WDR17: variants seen among roughly 807,000 people sequenced by gnomAD.
WDR17 encodes WD repeat-containing protein 17.
Under a neutral mutation model 161.7 loss-of-function variants are expected in WDR17, and 143 were observed. That is an observed-to-expected ratio of 0.88 (90% CI 0.77 to 1.02). The LOEUF (loss-of-function observed/expected upper bound fraction) is 1.02, where lower values mean the gene tolerates loss of function less well. WDR17 is among the 50% of genes least tolerant of loss of function. The pLI is 0.00. For missense variants in WDR17, 1,469 were observed against 1,520.9 expected (o/e 0.97, Z 0.57); for synonymous variants, 517 against 515.6 (o/e 1.00, Z -0.04).
chr4:176,124,905 A>C (rs1329787169), intron 4 of WDR17, among the ~76,000 whole-genome samples, 199 bp from the exon 5 acceptor site: 1 of 152,230 alleles, frequency 6.6e-6, no homozygotes, highest in Non-Finnish European at 1.5e-5. Flanking sequence ...AAAACAGAGC[A>C]TTGAGCCTGA....
chr4:176,108,904 C>T (rs1057368484), intron 1 of WDR17, among the ~76,000 whole-genome samples: 7 of 152,148 alleles, frequency 4.6e-5, no homozygotes, highest in African/African-American at 1.4e-4. Context: ...ATCTTCCCAC[C>T]TCAGCTTCCC....
intron 6 of WDR17, among the ~76,000 whole-genome samples, chr4:176,130,744 C>CA (rs1241265294): frequency 0.084 from 5,987 of 71,304 alleles, 185 homozygotes; most frequent in East Asian, 0.2. Context: ...GACTCCGTCT[C>CA]AAAAAAAAAA....
chr4:176,148,343 G>T lies in WDR17; in HGVS notation c.1897+8G>T. ...ACGGTGCAGATGTATATGGTAGAGT[G>T]TCTTTCATTCTTTCATGTATTTGTT... On this transcript the variant is annotated splice_region_variant and intron_variant, in intron 13 of 28. Coordinates refer to ENST00000508596, the MANE Select transcript of WDR17 (RefSeq NM_181265.4). 6.2e-7 allele frequency: 1 copy of T among 1,610,366 alleles called. No individual in the cohort carries two copies.
intron 2 of WDR17, among the ~76,000 whole-genome samples, chr4:176,114,071 G>A (rs1169403639): frequency 6.6e-6 from 1 of 151,942 alleles, no homozygotes; most frequent in Admixed American, 6.6e-5. Flanking sequence ...ATGCAGCATA[G>A]CTTCTTCACA....
At chr4:176,147,994 G>C in intron 12 of WDR17, 139 bp from the exon 13 acceptor site, 1 of 530,194 alleles carries the variant, frequency 1.9e-6, no homozygotes, top group Non-Finnish European at 3.1e-6. Context: ...AAATTAAAAT[G>C]AAGAGAACCT....
At chr4:176,091,215 T>A (rs1346909988) in intron 1 of WDR17, among the ~76,000 whole-genome samples, 1 of 152,182 alleles carries the variant, frequency 6.6e-6, no homozygotes, top group Non-Finnish European at 1.5e-5. Context: ...CCCCAACACA[T>A]GCATCATTTA....
At chr4:176,120,434 C>G in intron 4 of WDR17, among the ~76,000 whole-genome samples, 1 of 151,572 alleles carries the variant, frequency 6.6e-6, no homozygotes. Context: ...TAAAAAACAA[C>G]CTGAATGAAC....
chr4:176,172,495 A>G lies in WDR17; in HGVS notation c.3223A>G (p.Ile1075Val), dbSNP rs925774248. Residue 1075 changes from isoleucine (I) to valine (V), a missense_variant, in exon 24 of 29, where the codon ATT (isoleucine) becomes GTT (valine). Coordinates refer to ENST00000508596, the MANE Select transcript of WDR17 (RefSeq NM_181265.4). ...TCAAGAACCTGAAAAAGCCCTTCCT[A>G]TTGGTATTAGCTTTGTTAAAGGTAA... ...LSQEPEKALP[I>V]GISFVKEYIS... 6 of 1,601,898 alleles carry G rather than the reference A, an allele frequency of 3.7e-6. No individual in the cohort carries two copies. The Admixed American group carries it at 7.1e-5, about 19-fold the overall frequency.
Position 176,177,592 on chromosome 4 carries a change from G to A in WDR17, c.3670G>A (p.Gly1224Arg). 6.3e-7 allele frequency: 1 copy of A among 1,596,200 alleles called. No homozygotes were observed. Residue 1224 changes from glycine (G) to arginine (R), a missense_variant, in exon 28 of 29, where the codon GGA becomes AGA. Gly to Arg is a moderately radical substitution (Grantham distance 125). Coordinates refer to ENST00000508596, the MANE Select transcript of WDR17 (RefSeq NM_181265.4). The part of the protein sequence containing the change: ...KGIIGPDYVT[G>R]SNLPSHSDIH... ...AATTATTGGACCAGATTATGTGACT[G>A]GATCAAATCTTCCAAGTCATTCTGA...
chr4:176,171,028 CATA>C (rs1248867523), intron 23 of WDR17, among the ~76,000 whole-genome samples: 3 of 152,156 alleles, frequency 2.0e-5, no homozygotes, highest in Non-Finnish European at 2.9e-5. Context: ...AAGCCTATTT[CATA>C]ATAATATCTC....
At chr4:176,130,419 G>A (rs1579130765) in intron 6 of WDR17, among the ~76,000 whole-genome samples, 1 of 152,078 alleles carries the variant, frequency 6.6e-6, no homozygotes, top group African/African-American at 2.4e-5. Context: ...CATAATAAAT[G>A]AACTAAGAAA....
At chr4:176,092,543 G>A (rs1040689596) in intron 1 of WDR17, among the ~76,000 whole-genome samples, 1 of 152,102 alleles carries the variant, frequency 6.6e-6, no homozygotes, top group African/African-American at 2.4e-5. Flanking sequence ...AGAGCAATCA[G>A]ACAGGAGAAA....
rs1459630792 is a variant in WDR17 at position 176,161,008 on chromosome 4, T to G, written c.2750+6T>G. The G allele has an allele frequency of 2.5e-6, 4 of 1,602,352 alleles. No individual in the cohort carries two copies. Among genetic ancestry groups the G allele is most frequent in the Middle Eastern group, 1.7e-4 (1 of 6,014 alleles). On this transcript the variant is annotated splice_donor_region_variant and intron_variant, in intron 20 of 28. Transcript: ENST00000508596. ...TACAAGGAAGACTTTAATGAGTGAGTGATTTATTTGCTCTGGGTCCATATG... is the reference window on the plus strand; with the variant it reads ...TACAAGGAAGACTTTAATGAGTGAGGGATTTATTTGCTCTGGGTCCATATG...
At chr4:176,149,345 C>T (rs1057246964) in intron 13 of WDR17, among the ~76,000 whole-genome samples, 3 of 152,060 alleles carry the variant, frequency 2.0e-5, no homozygotes, top group East Asian at 3.9e-4. Context: ...ACACAGCTCA[C>T]GTCAACCTTC....
Position 176,070,022 on chromosome 4 carries a change from T to A in WDR17, c.-7+3943T>A, listed in dbSNP as rs780616216. Among the ~76,000 whole-genome samples the A allele has an allele frequency of 7.9e-5, 12 of 152,232 alleles. No individual in the cohort carries two copies. In the South Asian group the frequency reaches 8.3e-4, roughly 11 times the overall value. On this transcript the variant is annotated intron_variant, in intron 1 of 28. Coordinates refer to ENST00000508596, the MANE Select transcript of WDR17 (RefSeq NM_181265.4). ...CATTTTGGAATTTATGATAGAAGGA[T>A]CCTTAAGACCAGTTACTCTAACACC...
At chr4:176,144,776 A>G (rs1175284454) in intron 11 of WDR17, among the ~76,000 whole-genome samples, 1 of 152,122 alleles carries the variant, frequency 6.6e-6, no homozygotes, top group Non-Finnish European at 1.5e-5. Flanking sequence ...TGAACATACC[A>G]AAGTTTATTT....
At chr4:176,166,002 T>C in intron 22 of WDR17, 1 of 483,196 alleles carries the variant, frequency 2.1e-6, no homozygotes, top group Non-Finnish European at 3.7e-6. Flanking sequence ...CTACATCATT[T>C]ATAAAGATGT....
At chr4:176,126,953 G>T (rs1456408786) in intron 5 of WDR17, among the ~76,000 whole-genome samples, 1 of 152,090 alleles carries the variant, frequency 6.6e-6, no homozygotes, top group African/African-American at 2.4e-5. Flanking sequence ...TAAGTTTCCT[G>T]AGGCCTCCTC....
Position 176,160,136 on chromosome 4 carries a change from C to T in WDR17, c.2658+10C>T. 3 of 1,612,290 alleles carry T rather than the reference C, an allele frequency of 1.9e-6. No individual in the cohort carries two copies. Among genetic ancestry groups the T allele is most frequent in the Middle Eastern group, 3.3e-4 (2 of 6,056 alleles). On this transcript the variant is annotated intron_variant, in intron 19 of 28. Transcript: ENST00000508596. ...TCTGCTTGTTGCACAGGTAAAACCA[C>T]AGAACTACCCCAGTCACATACATGA...
Sources: allele counts gnomAD v4.1 joint callset (sites outside exome capture counted in the v4.1 genomes callset), GRCh38; gene constraint gnomAD v4.1.1; transcripts MANE v1.5; gene names NCBI Gene and HGNC (gene_info 2026-07-23, HGNC 2026-07-21).